The following NPAS3 variants were observed in gnomAD, a reference collection of about 807,000 sequenced individuals.
NPAS3 encodes neuronal PAS domain protein 3, also known as neuronal PAS domain-containing protein 3.
In NPAS3, 14 loss-of-function variants were observed where a neutral mutation model predicts 73.1. The observed-to-expected ratio is 0.19, with a 90% confidence interval of 0.13 to 0.30. The LOEUF (loss-of-function observed/expected upper bound fraction) is 0.30, where lower values mean the gene tolerates loss of function less well. Among genes scored for constraint, NPAS3 ranks in the 10% least tolerant of loss-of-function variants. The pLI is 1.00. For missense variants in NPAS3, 1,096 were observed against 1,250.0 expected, an observed-to-expected ratio of 0.88 and a Z score of 1.86; for synonymous variants, 620 against 541.5, an observed-to-expected ratio of 1.14 and a Z score of -2.01.
chr14:33,417,081 A>G (rs1263377201), intron 4 of NPAS3, among the ~76,000 whole-genome samples: 1 of 152,076 alleles, frequency 6.6e-6, no homozygotes, highest in Non-Finnish European at 1.5e-5. Flanking sequence ...AGTATATGCA[A>G]GATGATATAA....
intron 4 of NPAS3, among the ~76,000 whole-genome samples, chr14:33,488,662 G>C (rs954193712): frequency 3.3e-5 from 5 of 152,160 alleles, no homozygotes; most frequent in African/African-American, 7.2e-5. Context: ...TCTGTCCTAT[G>C]ATGGGAATAT....
intron 2 of NPAS3, among the ~76,000 whole-genome samples, chr14:33,116,728 C>A (rs2043076784): frequency 6.6e-6 from 1 of 151,814 alleles, no homozygotes; most frequent in Non-Finnish European, 1.5e-5. Flanking sequence ...CCTGTTATCC[C>A]CTCCCCACCC....
intron 2 of NPAS3, among the ~76,000 whole-genome samples, chr14:33,199,229 G>A (rs948291560): frequency 1.3e-5 from 2 of 152,214 alleles, no homozygotes; most frequent in African/African-American, 4.8e-5. Context: ...AGCGTGGCCA[G>A]AGCAGACGCC....
chr14:33,366,578 G>T (rs1262246789), intron 3 of NPAS3, among the ~76,000 whole-genome samples: 1 of 152,146 alleles, frequency 6.6e-6, no homozygotes, highest in African/African-American at 2.4e-5. Flanking sequence ...CTTCTTGTCA[G>T]TCCTATAGGA....
chr14:33,216,689 C>A lies in NPAS3; in HGVS notation c.385+1263C>A, dbSNP rs550753062. Among the ~76,000 whole-genome samples, 5 of 152,132 alleles carry A rather than the reference C, an allele frequency of 3.3e-5. No homozygotes were observed. In the South Asian group the frequency reaches 1.0e-3, roughly 32 times the overall value. On this transcript the variant is annotated intron_variant, in intron 3 of 11. Coordinates refer to ENST00000356141, the Ensembl canonical transcript of NPAS3. ...CATAGACAATATGTAAACAAAACAG[C>A]GTGGCTGTGTTCCAATAAAACTATA...
At chr14:33,152,930 G>C (rs1044767222) in intron 2 of NPAS3, among the ~76,000 whole-genome samples, 1 of 151,476 alleles carries the variant, frequency 6.6e-6, no homozygotes, top group East Asian at 1.9e-4. Flanking sequence ...CTCTGGTTTC[G>C]ATATTGGAAT....
At position 33,786,256 on chromosome 14, in the gene NPAS3, T is replaced by C. The variant is rs532100512; in HGVS notation, c.1154-7641T>C. ...CATGGAAGAATCTATGTTTTCACAA[T>C]AAAGTACTTGGATTTCTAAAAATCT... On this transcript the variant is annotated intron_variant, in intron 9 of 11. Transcript: ENST00000356141. Among the ~76,000 whole-genome samples the C allele has an allele frequency of 3.0e-4, 46 of 152,336 alleles. 1 individual carries two copies. Among genetic ancestry groups the C allele is most frequent in the Non-Finnish European group, 6.0e-4 (41 of 68,026 alleles).
At chr14:33,573,186 G>A (rs914169661) in intron 5 of NPAS3, among the ~76,000 whole-genome samples, 2 of 152,032 alleles carry the variant, frequency 1.3e-5, no homozygotes, top group African/African-American at 4.8e-5. Flanking sequence ...CAATAAAACA[G>A]GTCCAAACCC....
At chr14:33,572,222 G>A (rs1209897580) in intron 5 of NPAS3, among the ~76,000 whole-genome samples, 2 of 152,098 alleles carry the variant, frequency 1.3e-5, no homozygotes, top group Non-Finnish European at 2.9e-5. Context: ...TGCCTTTTCT[G>A]TGAGGTATTT....
chr14:33,609,178 T>C, intron 5 of NPAS3, among the ~76,000 whole-genome samples: 1 of 152,152 alleles, frequency 6.6e-6, no homozygotes, highest in Admixed American at 6.5e-5. Context: ...AAAAAAAATG[T>C]GCTTTTTCTG....
chr14:33,134,134 A>C (rs1225488923), intron 2 of NPAS3, among the ~76,000 whole-genome samples: 1 of 152,062 alleles, frequency 6.6e-6, no homozygotes, highest in Non-Finnish European at 1.5e-5. Flanking sequence ...TGACAAGTGA[A>C]TTTACACTTA....
At chr14:33,580,083 T>G (rs571358901) in intron 5 of NPAS3, among the ~76,000 whole-genome samples, 134 of 152,348 alleles carry the variant, frequency 8.8e-4, no homozygotes, top group Non-Finnish European at 1.4e-3. Flanking sequence ...TTGAAGCTAC[T>G]GTCACAATGT....
intron 2 of NPAS3, among the ~76,000 whole-genome samples, chr14:33,174,517 A>G (rs1262228576): frequency 2.6e-5 from 4 of 152,232 alleles, no homozygotes; most frequent in Non-Finnish European, 4.4e-5. Flanking sequence ...GGAGCTAAGT[A>G]AATGTTTGTG....
chr14:33,387,745 GGTTT>G (rs2046832346), intron 4 of NPAS3, among the ~76,000 whole-genome samples: 1 of 151,966 alleles, frequency 6.6e-6, no homozygotes, highest in Non-Finnish European at 1.5e-5. Flanking sequence ...GTGAAATAAT[GGTTT>G]GTTTATTATG....
chr14:33,764,231 C>T (rs944612895), intron 7 of NPAS3, among the ~76,000 whole-genome samples: 5 of 152,174 alleles, frequency 3.3e-5, no homozygotes, highest in East Asian at 3.8e-4. Context: ...CTACCATCTT[C>T]GGCGGAGGGG....
In NPAS3 at chr14:33,735,347, G is replaced by C. The variant is rs778650810; in HGVS notation, c.852+15G>C. The C allele has an allele frequency of 6.4e-6, 10 of 1,573,138 alleles. No individual in the cohort carries two copies. In the East Asian group the frequency reaches 2.2e-4, roughly 35 times the overall value. On this transcript the variant is annotated intron_variant, in intron 7 of 11. Coordinates refer to ENST00000356141, the Ensembl canonical transcript of NPAS3. ...CAGGATATAAGGTAAGCCGGTTCCG[G>C]GAGGGGAGACATTGCTGTCTCAGGC...
intron 10 of NPAS3, among the ~76,000 whole-genome samples, chr14:33,794,967 A>G (rs1478348984): frequency 2.0e-5 from 3 of 152,120 alleles, no homozygotes; most frequent in Non-Finnish European, 2.9e-5. Flanking sequence ...GAGTAGGAAA[A>G]TTTCCAATAG....
intron 2 of NPAS3, among the ~76,000 whole-genome samples, chr14:33,200,780 C>T (rs1157120189): frequency 6.6e-6 from 1 of 152,102 alleles, no homozygotes. Flanking sequence ...TAATGAATAT[C>T]CCCTATGTGC....
chr14:33,622,609 T>A (rs2058107100), intron 5 of NPAS3, among the ~76,000 whole-genome samples: 1 of 152,216 alleles, frequency 6.6e-6, no homozygotes, highest in African/African-American at 2.4e-5. Flanking sequence ...CAATTTTAGA[T>A]CCTATTGAGT....
Sources: allele counts gnomAD v4.1 joint callset (sites outside exome capture counted in the v4.1 genomes callset), GRCh38; gene constraint gnomAD v4.1.1; transcripts MANE v1.5; gene names NCBI Gene and HGNC (gene_info 2026-07-23, HGNC 2026-07-21).